RAB11FIP4: variants seen among roughly 807,000 people sequenced by gnomAD.
RAB11FIP4 encodes the protein RAB11 family interacting protein 4, also known as rab11 family-interacting protein 4.
In RAB11FIP4, 23 loss-of-function variants were observed where a neutral mutation model predicts 74.3. That is an observed-to-expected ratio of 0.31 (90% CI 0.22 to 0.44). The LOEUF is 0.44. RAB11FIP4 is among the 20% of genes least tolerant of loss of function. RAB11FIP4 has a pLI of 1.00. For synonymous variants in RAB11FIP4, 360 were observed against 359.9 expected (o/e 1.00, Z 0.00); for missense variants, 630 against 863.9 (o/e 0.73, Z 3.39).
chr17:31,538,014 G>A lies in RAB11FIP4; in HGVS notation c.*6282G>A, dbSNP rs1389735611. On this transcript the variant is annotated 3_prime_UTR_variant, in exon 15 of 15. Coordinates refer to ENST00000621161, the MANE Select transcript of RAB11FIP4 (RefSeq NM_032932.6). Reference sequence around the variant, plus strand: ...GAGGCTCTGTCTGGAAACAGGCTTAGCTTTAGTGCTGGGGTGGGACCTGCC... The same window carrying A: ...GAGGCTCTGTCTGGAAACAGGCTTAACTTTAGTGCTGGGGTGGGACCTGCC... The A allele has an allele frequency of 6.6e-6, 1 of 152,440 alleles. No individual in the cohort carries two copies. Among genetic ancestry groups the A allele is most frequent in the African/African-American group, 2.4e-5 (1 of 41,470 alleles). 9.4% of individuals were successfully genotyped at this position (152,440 alleles called of 1,614,324 possible). A position where few individuals can be genotyped will look rare whatever the true frequency, so the allele number is the denominator to read the frequency against.
In RAB11FIP4 at chr17:31,512,949, A is replaced by C. The variant is rs1475539789; in HGVS notation, c.337-4702A>C. On this transcript the variant is annotated intron_variant, in intron 3 of 14. Transcript: ENST00000621161. This position sits in a 1 kb window ranked among gnomAD's most constrained non-coding sequence, Gnocchi z 4.1. ...TTACTTGCTGACCCCGGCCACCTAG[A>C]AACATGAGCTCTGGGGAGGCCCTGT... 6.6e-6 allele frequency among the ~76,000 whole-genome samples: 1 copy of C among 152,034 alleles called. No homozygotes were observed. The highest frequency in any genetic ancestry group is 1.5e-5 in the Non-Finnish European group (1 of 68,002).
At chr17:31,487,779 C>T (rs1177750682) in intron 3 of RAB11FIP4, among the ~76,000 whole-genome samples, 2 of 152,096 alleles carry the variant, frequency 1.3e-5, no homozygotes, top group East Asian at 1.9e-4. Flanking sequence ...CACGCCGACT[C>T]CTGGAGTCCC....
At chr17:31,448,692 C>T (rs1484994745) in intron 3 of RAB11FIP4, among the ~76,000 whole-genome samples, 1 of 152,130 alleles carries the variant, frequency 6.6e-6, no homozygotes, top group Non-Finnish European at 1.5e-5. Flanking sequence ...CCTCTCAAGG[C>T]TGGCCTCAAG....
At chr17:31,392,067 C>A in intron 1 of RAB11FIP4, 56 bp downstream of exon 1, 1 of 1,150,766 alleles carries the variant, frequency 8.7e-7, no homozygotes, top group Non-Finnish European at 1.1e-6. Context: ...CCCCGCCGCC[C>A]CTCCCCCAGC....
At chr17:31,395,997 C>T (rs1178189960) in intron 1 of RAB11FIP4, among the ~76,000 whole-genome samples, 2 of 151,758 alleles carry the variant, frequency 1.3e-5, no homozygotes, top group Admixed American at 6.6e-5. Context: ...GCCTGGGTAA[C>T]ATGGTGAGAC....
chr17:31,439,612 T>C (rs1330122666), intron 3 of RAB11FIP4, among the ~76,000 whole-genome samples: 2 of 152,210 alleles, frequency 1.3e-5, no homozygotes, highest in African/African-American at 4.8e-5. Context: ...ATATTCTGTT[T>C]TTTGCTTGTT....
intron 1 of RAB11FIP4, among the ~76,000 whole-genome samples, chr17:31,427,086 A>G (rs1355129322): frequency 6.6e-6 from 1 of 152,078 alleles, no homozygotes; most frequent in Non-Finnish European, 1.5e-5. Context: ...AGCCTCCCTG[A>G]GTAGCTGGGA....
At chr17:31,500,226 A>G (rs1440616870) in intron 3 of RAB11FIP4, among the ~76,000 whole-genome samples, 1 of 152,080 alleles carries the variant, frequency 6.6e-6, no homozygotes, top group African/African-American at 2.4e-5. Context: ...AGCTAAATTC[A>G]GCTGCACCTT....
At chr17:31,501,091 G>C (rs1052626859) in intron 3 of RAB11FIP4, among the ~76,000 whole-genome samples, 7 of 151,848 alleles carry the variant, frequency 4.6e-5, no homozygotes, top group African/African-American at 1.7e-4. Context: ...ATGCCATCCT[G>C]ATAATCATAG....
At chr17:31,418,249 G>A (rs1355481874) in intron 1 of RAB11FIP4, among the ~76,000 whole-genome samples, 1 of 152,128 alleles carries the variant, frequency 6.6e-6, no homozygotes, top group African/African-American at 2.4e-5. Flanking sequence ...TTAGCTGGGT[G>A]TGGTGGCAGG....
intron 3 of RAB11FIP4, among the ~76,000 whole-genome samples, chr17:31,454,012 C>T (rs897564059): frequency 5.3e-5 from 8 of 152,060 alleles, no homozygotes; most frequent in African/African-American, 1.9e-4. Flanking sequence ...CAGCCCCACC[C>T]ACAGCCACCT....
intron 3 of RAB11FIP4, chr17:31,465,684 GCAGGGGACCA>G (rs2071678208): frequency 6.6e-6 from 1 of 152,110 alleles, no homozygotes; most frequent in Non-Finnish European, 1.5e-5. Flanking sequence ...CCTCCTGGGA[GCAGGGGACCA>G]CAGTGTTGCC....
intron 3 of RAB11FIP4, among the ~76,000 whole-genome samples, chr17:31,452,602 C>G (rs1425144216): frequency 6.6e-6 from 1 of 152,184 alleles, no homozygotes; most frequent in Non-Finnish European, 1.5e-5. Flanking sequence ...TTGTAACTTG[C>G]AGGTCCTGTG....
At chr17:31,531,444 C>T (rs978485219) in intron 14 of RAB11FIP4, among the ~76,000 whole-genome samples, 172 bp from the exon 15 acceptor site, 9 of 152,204 alleles carry the variant, frequency 5.9e-5, no homozygotes, top group East Asian at 1.9e-4. Context: ...TGAGCCACTT[C>T]GACTCTGGTC....
intron 3 of RAB11FIP4, among the ~76,000 whole-genome samples, chr17:31,498,511 G>A (rs1024216280): frequency 2.0e-5 from 3 of 152,236 alleles, no homozygotes; most frequent in Non-Finnish European, 4.4e-5. Context: ...TTGGGAGGAG[G>A]AGAGTCACCC....
rs1323845452 is a variant in RAB11FIP4 at position 31,392,031 on chromosome 17, G to C, written c.159+20G>C. The C allele has an allele frequency of 3.1e-6, 4 of 1,271,472 alleles. No homozygotes were observed. The highest frequency in any genetic ancestry group is 3.1e-5 in the African/African-American group (2 of 64,084). The allele number at this position is 1,271,472 out of a possible 1,614,324, so 78.8% of individuals were successfully genotyped here. ...GAGGAGGTAAGCTGGCCCGACCCCA[G>C]TCCCGGCCCGGGGACCCCAGCCCAG... On this transcript the variant is annotated intron_variant, in intron 1 of 14. Coordinates refer to ENST00000621161, the MANE Select transcript of RAB11FIP4 (RefSeq NM_032932.6).
chr17:31,504,414 C>T (rs1464394043), intron 3 of RAB11FIP4, among the ~76,000 whole-genome samples: 2 of 151,636 alleles, frequency 1.3e-5, no homozygotes, highest in African/African-American at 4.9e-5. Flanking sequence ...TACAGGTGCC[C>T]GCCACCACGC....
chr17:31,529,664 T>G (rs1440771119), intron 13 of RAB11FIP4, among the ~76,000 whole-genome samples: 1 of 152,130 alleles, frequency 6.6e-6, no homozygotes, highest in Non-Finnish European at 1.5e-5. Flanking sequence ...CTGGGTGAAG[T>G]GTCAGCTCTG....
chr17:31,463,246 G>T (rs2071649932), intron 3 of RAB11FIP4, among the ~76,000 whole-genome samples: 1 of 152,134 alleles, frequency 6.6e-6, no homozygotes, highest in Admixed American at 6.6e-5. Flanking sequence ...CTGGCACTTG[G>T]CAGCTGTGCT....
Sources: allele counts gnomAD v4.1 joint callset (sites outside exome capture counted in the v4.1 genomes callset), GRCh38; gene constraint gnomAD v4.1.1; non-coding constraint Gnocchi (gnomAD v3.1); transcripts MANE v1.5; gene names NCBI Gene and HGNC (gene_info 2026-07-23, HGNC 2026-07-21).